LPP: variants seen among roughly 807,000 people sequenced by gnomAD.
The protein encoded by LPP is LIM domain containing preferred translocation partner in lipoma.
LPP carries 38 observed loss-of-function variants against 60.4 expected under a neutral mutation model. The observed-to-expected ratio is 0.63, with a 90% CI of 0.49 to 0.83. The LOEUF (loss-of-function observed/expected upper bound fraction) is 0.83. Among genes scored for constraint, LPP ranks in the 40% least tolerant of loss-of-function variants. The pLI is 0.00. For synonymous variants in LPP, 328 were observed against 290.8 expected (o/e 1.13, Z -1.30); for missense variants, 902 against 783.6 (o/e 1.15, Z -1.80).
At chr3:188,592,319 G>T (rs1838891015) in intron 6 of LPP, among the ~76,000 whole-genome samples, 1 of 151,228 alleles carries the variant, frequency 6.6e-6, no homozygotes, top group Non-Finnish European at 1.5e-5. Context: ...TCACATTTAA[G>T]CACCATCACC....
chr3:188,239,925 G>C (rs1723306981), intron 2 of LPP: 2 of 204,568 alleles, frequency 9.8e-6, no homozygotes, highest in Admixed American at 6.0e-5. Context: ...TATCAAAATT[G>C]GTAGATCATT....
At chr3:188,274,485 T>G (rs557302425) in intron 2 of LPP, among the ~76,000 whole-genome samples, 68 of 152,270 alleles carry the variant, frequency 4.5e-4, no homozygotes, top group Non-Finnish European at 8.2e-4. Flanking sequence ...AGAGTGGGAT[T>G]GAATTGGATT....
intron 9 of LPP, among the ~76,000 whole-genome samples, chr3:188,807,465 T>C (rs1016077094): frequency 1.3e-5 from 2 of 152,084 alleles, no homozygotes; most frequent in African/African-American, 4.8e-5. Context: ...GGTGGTTTGT[T>C]GCCTTCATTC....
At chr3:188,320,526 A>G (rs1756625417) in intron 2 of LPP, among the ~76,000 whole-genome samples, 1 of 152,222 alleles carries the variant, frequency 6.6e-6, no homozygotes, top group Admixed American at 6.5e-5. Flanking sequence ...TTGGGAAAGC[A>G]GGAAGGAGTA....
In LPP at chr3:188,609,897, T is replaced by C; in HGVS notation, c.1113+53T>C. 6.6e-7 allele frequency: 1 copy of C among 1,522,498 alleles called. No individual in the cohort carries two copies. The highest frequency in any genetic ancestry group is 8.8e-7 in the Non-Finnish European group (1 of 1,132,934). The allele number at this position is 1,522,498 out of a possible 1,614,324, so 94.3% of individuals were successfully genotyped here. A position where few individuals can be genotyped will look rare whatever the true frequency, so the allele number is the denominator to read the frequency against. ...GAATACAGGGGTGCCTATCTTAGTC[T>C]GCCTTCCCCAGGAAGCGAAGCCTAA... On this transcript the variant is annotated intron_variant, in intron 7 of 11. Coordinates refer to ENST00000617246, the MANE Select transcript of LPP (RefSeq NM_001375462.1). The surrounding 1 kb of genome is among the most constrained non-coding windows in gnomAD (Gnocchi z 6.9).
At chr3:188,516,035 A>T (rs546089512) in intron 5 of LPP, among the ~76,000 whole-genome samples, 1 of 152,340 alleles carries the variant, frequency 6.6e-6, no homozygotes, top group African/African-American at 2.4e-5. Flanking sequence ...AAAGCCATCC[A>T]CTCAAATCCA....
chr3:188,699,697 T>A (rs1239735772), intron 7 of LPP, among the ~76,000 whole-genome samples: 1 of 152,106 alleles, frequency 6.6e-6, no homozygotes, highest in East Asian at 1.9e-4. Context: ...GTGAGGAGTG[T>A]TCATTTAGAA....
chr3:188,427,987 G>A lies in LPP; in HGVS notation c.193+21674G>A, dbSNP rs148169094. ...AAAAACAAAGTCCTGCAGCTAGCTC[G>A]GTGTCTGCCCAAACGGTCACCCGGT... is the stretch of plus-strand genomic sequence containing the variant. On this transcript the variant is annotated intron_variant, in intron 4 of 11. Transcript: ENST00000617246. Among the ~76,000 whole-genome samples, 773 of 152,172 alleles carry A rather than the reference G, an allele frequency of 5.1e-3. 7 individuals are homozygous for A. Among genetic ancestry groups the A allele is most frequent in the African/African-American group, 0.018 (735 of 41,506 alleles).
intron 9 of LPP, among the ~76,000 whole-genome samples, chr3:188,794,357 G>A (rs1744709546): frequency 6.6e-6 from 1 of 152,108 alleles, no homozygotes; most frequent in South Asian, 2.1e-4. Context: ...TCATTTGTAG[G>A]GAGGAGAACT....
chr3:188,576,815 T>A (rs1322720191), intron 6 of LPP, among the ~76,000 whole-genome samples: 2 of 152,188 alleles, frequency 1.3e-5, no homozygotes, highest in Non-Finnish European at 2.9e-5. Flanking sequence ...AGTGAGCAGA[T>A]TTCCAGAAGT....
At chr3:188,388,624 T>C (rs1778933971) in intron 3 of LPP, among the ~76,000 whole-genome samples, 1 of 152,178 alleles carries the variant, frequency 6.6e-6, no homozygotes, top group African/African-American at 2.4e-5. Flanking sequence ...TCTCATGGCA[T>C]TGGGATAATT....
chr3:188,208,742 C>T (rs1237786269), intron 1 of LPP, among the ~76,000 whole-genome samples: 1 of 152,214 alleles, frequency 6.6e-6, no homozygotes, highest in Non-Finnish European at 1.5e-5. Context: ...ACATATGTGA[C>T]TTGGAGTTTG....
intron 4 of LPP, among the ~76,000 whole-genome samples, chr3:188,420,989 C>CA (rs1787645372): frequency 2.0e-5 from 3 of 152,110 alleles, no homozygotes; most frequent in Admixed American, 1.3e-4. Context: ...ATGAATAGGG[C>CA]ATGGGTTCTT....
At chr3:188,359,575 G>T (rs930253745) in intron 3 of LPP, among the ~76,000 whole-genome samples, 11 of 152,138 alleles carry the variant, frequency 7.2e-5, no homozygotes, top group Non-Finnish European at 1.5e-4. Context: ...TCCACGCTGG[G>T]CAGGTCATTA....
Position 188,876,195 on chromosome 3 carries a change from T to G in LPP, c.*1716T>G, listed in dbSNP as rs1769237277. The G allele has an allele frequency of 5.3e-6, 1 of 187,120 alleles. No individual in the cohort carries two copies. Among genetic ancestry groups the G allele is most frequent in the Admixed American group, 6.2e-5 (1 of 16,158 alleles). The allele number at this position is 187,120 out of a possible 1,614,324, so 11.6% of individuals were successfully genotyped here. A position where few individuals can be genotyped will look rare whatever the true frequency, so the allele number is the denominator to read the frequency against. On this transcript the variant is annotated 3_prime_UTR_variant, in exon 12 of 12. Transcript: ENST00000617246. ...AATAAAAAATTATGGATACGTGTTT[T>G]GAATTGCAAACTATTCCTCAGGAAT...
intron 10 of LPP, 33 bp from the exon 11 acceptor site, chr3:188,872,610 A>G: frequency 1.9e-6 from 3 of 1,613,812 alleles, no homozygotes; most frequent in Non-Finnish European, 2.5e-6. Context: ...GTCGACGCGC[A>G]GTATCTAACC....
At chr3:188,636,827 A>G (rs1848918572) in intron 7 of LPP, among the ~76,000 whole-genome samples, 1 of 151,434 alleles carries the variant, frequency 6.6e-6, no homozygotes, top group African/African-American at 2.4e-5. Flanking sequence ...GGGTATTCCA[A>G]CAGACCTGCA....
intron 9 of LPP, among the ~76,000 whole-genome samples, chr3:188,844,311 G>A (rs1760899334): frequency 6.6e-6 from 1 of 152,176 alleles, no homozygotes; most frequent in Non-Finnish European, 1.5e-5. Flanking sequence ...TATTATTCAT[G>A]TGGCAATGTC....
rs537951970 is a variant in LPP, at chr3:188,378,020, G to A, written c.-9-28092G>A. Among the ~76,000 whole-genome samples, 280 of 152,266 alleles carry A rather than the reference G, an allele frequency of 1.8e-3. 3 individuals carry two copies. The highest frequency in any genetic ancestry group is 6.4e-3 in the African/African-American group (268 of 41,556). On this transcript the variant is annotated intron_variant, in intron 3 of 11. Coordinates refer to ENST00000617246, the MANE Select transcript of LPP (RefSeq NM_001375462.1). The stretch of plus-strand genomic sequence containing the variant: ...TCAGCAGCGGTGGCTGCAGAACAGC[G>A]GATATTGGTGAACCGCAAATGCTGC...
Sources: gnomAD v4.1 joint callset for allele counts (sites outside exome capture counted in the v4.1 genomes callset) on GRCh38, gnomAD v4.1.1 for gene constraint, Gnocchi (gnomAD v3.1) non-coding constraint, MANE v1.5 for transcripts, NCBI Gene and HGNC (gene_info 2026-07-23, HGNC 2026-07-21) for gene names.